GRM7: variants seen among roughly 807,000 people sequenced by gnomAD.
The protein encoded by GRM7 is metabotropic glutamate receptor 7.
A neutral mutation model predicts 84.5 loss-of-function variants in GRM7; 35 were observed. The observed-to-expected ratio is 0.41, with a 90% CI of 0.32 to 0.55. The LOEUF is 0.55. Among genes scored for constraint, GRM7 ranks in the 20% least tolerant of loss-of-function variants. GRM7 has a pLI of 0.19. For synonymous variants in GRM7, 487 were observed against 455.1 expected, an observed-to-expected ratio of 1.07 and a Z score of -0.89; for missense variants, 1,003 against 1,194.6, an observed-to-expected ratio of 0.84 and a Z score of 2.36.
chr3:7,309,315 A>G (rs1175522347), intron 4 of GRM7, among the ~76,000 whole-genome samples: 1 of 152,066 alleles, frequency 6.6e-6, no homozygotes, highest in Non-Finnish European at 1.5e-5. Context: ...AATCTAAGAT[A>G]AAACTATAAA....
intron 8 of GRM7, among the ~76,000 whole-genome samples, chr3:7,581,697 A>G (rs1026495895): frequency 6.6e-6 from 1 of 152,178 alleles, no homozygotes; most frequent in Non-Finnish European, 1.5e-5. Context: ...TAAATCAAAG[A>G]ATTATATTAT....
intron 1 of GRM7, among the ~76,000 whole-genome samples, chr3:7,068,104 C>G (rs1260647191): frequency 6.6e-6 from 1 of 151,796 alleles, no homozygotes; most frequent in African/African-American, 2.4e-5. Flanking sequence ...TTAGGTCAAA[C>G]CATCTGAGAC....
At chr3:7,110,835 G>A (rs1376522534) in intron 1 of GRM7, among the ~76,000 whole-genome samples, 2 of 152,006 alleles carry the variant, frequency 1.3e-5, no homozygotes, top group Admixed American at 1.3e-4. Context: ...GATCTGCAGT[G>A]GAGGTGTGTA....
At chr3:7,595,869 A>G (rs970645375) in intron 8 of GRM7, among the ~76,000 whole-genome samples, 1 of 152,064 alleles carries the variant, frequency 6.6e-6, no homozygotes, top group Non-Finnish European at 1.5e-5. Flanking sequence ...TTGACATTGT[A>G]TAGGCCATGA....
intron 1 of GRM7, among the ~76,000 whole-genome samples, chr3:6,870,447 A>G (rs1282800303): frequency 6.6e-6 from 1 of 152,182 alleles, no homozygotes; most frequent in African/African-American, 2.4e-5. Flanking sequence ...ATGAGGAGGA[A>G]GGAACAGCAG....
At chr3:7,092,771 T>A (rs894535213) in intron 1 of GRM7, among the ~76,000 whole-genome samples, 10 of 152,228 alleles carry the variant, frequency 6.6e-5, no homozygotes, top group Non-Finnish European at 1.0e-4. Flanking sequence ...TCTCCCACTG[T>A]CTGCCAATAT....
chr3:6,998,923 A>T (rs144769142), intron 1 of GRM7, among the ~76,000 whole-genome samples: 1 of 152,270 alleles, frequency 6.6e-6, no homozygotes, highest in African/African-American at 2.4e-5. Flanking sequence ...AGCTGCCAAG[A>T]ATGTCTCTGA....
intron 1 of GRM7, among the ~76,000 whole-genome samples, chr3:6,990,230 G>T (rs1694583956): frequency 6.6e-6 from 1 of 150,734 alleles, no homozygotes; most frequent in Non-Finnish European, 1.5e-5. Flanking sequence ...TTGGAAAGAT[G>T]TTGGTCCCCC....
chr3:7,704,577 A>C (rs1377483690), intron 9 of GRM7, among the ~76,000 whole-genome samples: 1 of 152,234 alleles, frequency 6.6e-6, no homozygotes, highest in Non-Finnish European at 1.5e-5. Flanking sequence ...CCAAGCTTTA[A>C]GTTTTTAAAA....
rs115737948 is a variant in GRM7 at position 7,617,223 on chromosome 3, A to G, written c.2451+37866A>G. Reference sequence around the variant, plus strand: ...GTTCCAATAATGAAACACTAGGCATAAATAGGTTAACGGGACAGAATATAT... The same window carrying G: ...GTTCCAATAATGAAACACTAGGCATGAATAGGTTAACGGGACAGAATATAT... On this transcript the variant is annotated intron_variant, in intron 8 of 9. Coordinates refer to ENST00000357716, the MANE Select transcript of GRM7 (RefSeq NM_000844.4). Among the ~76,000 whole-genome samples, 742 of 152,236 alleles carry G rather than the reference A, an allele frequency of 4.9e-3. 10 individuals carry two copies. The highest frequency in any genetic ancestry group is 0.017 in the African/African-American group (714 of 41,570).
chr3:7,073,721 C>A lies in GRM7; in HGVS notation c.520-72731C>A, dbSNP rs1017044341. On this transcript the variant is annotated intron_variant, in intron 1 of 9. Coordinates refer to ENST00000357716, the MANE Select transcript of GRM7 (RefSeq NM_000844.4). ...GGACTTTAACAGGTATTTATAGAGA[C>A]CTGACTATGTTTATAATATGGTACT... is the stretch of plus-strand genomic sequence containing the variant. 2.0e-5 allele frequency among the ~76,000 whole-genome samples: 3 copies of A among 152,192 alleles called. No homozygotes were observed. The East Asian group carries it at 5.8e-4, about 29-fold the overall frequency.
At chr3:7,215,425 G>A (rs1007359530) in intron 2 of GRM7, among the ~76,000 whole-genome samples, 49 of 152,072 alleles carry the variant, frequency 3.2e-4, no homozygotes, top group Non-Finnish European at 1.5e-5. Flanking sequence ...AGCACTTTTG[G>A]AGGCGGAGGA....
chr3:7,044,117 C>A (rs1269487115), intron 1 of GRM7, among the ~76,000 whole-genome samples: 1 of 152,182 alleles, frequency 6.6e-6, no homozygotes, highest in Admixed American at 6.5e-5. Flanking sequence ...CAATTCATAT[C>A]ATCATCCAAG....
chr3:7,379,048 C>A (rs1013841014), intron 4 of GRM7, among the ~76,000 whole-genome samples: 1 of 152,152 alleles, frequency 6.6e-6, no homozygotes, highest in Non-Finnish European at 1.5e-5. Flanking sequence ...AAGTGCCAGG[C>A]GTCTTCTGGG....
intron 1 of GRM7, among the ~76,000 whole-genome samples, chr3:7,118,416 A>G (rs9846975): frequency 0.28 from 42,781 of 150,428 alleles, 7,412 homozygotes; most frequent in African/African-American, 0.5. Flanking sequence ...AATGGAAAAA[A>G]TGAATAAAAA....
intron 1 of GRM7, among the ~76,000 whole-genome samples, chr3:7,049,650 C>A (rs371439860): frequency 6.6e-6 from 1 of 151,692 alleles, no homozygotes; most frequent in East Asian, 1.9e-4. Context: ...GAAAAGCGTT[C>A]GTGAGGAAGG....
At chr3:7,315,023 GT>G (rs371388970) in intron 4 of GRM7, among the ~76,000 whole-genome samples, 1,509 of 144,768 alleles carry the variant, frequency 0.01, 27 homozygotes, top group African/African-American at 0.035. Context: ...ACTGAAATCT[GT>G]TTTTTTTTTT....
intron 9 of GRM7, among the ~76,000 whole-genome samples, chr3:7,694,956 G>A (rs572669447): frequency 6.6e-6 from 1 of 152,206 alleles, no homozygotes; most frequent in South Asian, 2.1e-4. Context: ...TCCAGGTTTG[G>A]GAAACAGTCT....
chr3:7,013,521 T>A (rs1471036876), intron 1 of GRM7, among the ~76,000 whole-genome samples: 1 of 152,200 alleles, frequency 6.6e-6, no homozygotes, highest in African/African-American at 2.4e-5. Context: ...AATTATTAAA[T>A]TTTTAGTCAA....
Sources: gnomAD v4.1 joint callset for allele counts (sites outside exome capture counted in the v4.1 genomes callset) on GRCh38, gnomAD v4.1.1 for gene constraint, MANE v1.5 for transcripts, NCBI Gene and HGNC (gene_info 2026-07-23, HGNC 2026-07-21) for gene names.